CIMIP6: variants seen among roughly 807,000 people sequenced by gnomAD.
The protein encoded by CIMIP6 is ciliary microtubule inner protein 6, also known as uncharacterized protein C2orf73.
At chr2:54,360,209 G>A in the CIMIP6 span, 40 of 1,564,172 alleles carry the variant, frequency 2.6e-5, no homozygotes, top group Non-Finnish European at 3.4e-5. Flanking sequence ...CCAGAGACAC[G>A]GAGCTTTTGT....
At chr2:54,346,312 T>C in the CIMIP6 span, among the ~76,000 whole-genome samples, 1 of 152,260 alleles carries the variant, frequency 6.6e-6, no homozygotes, top group East Asian at 1.9e-4. Context: ...ATTTGCAATA[T>C]AGGTAATCAG....
the CIMIP6 span, among the ~76,000 whole-genome samples, chr2:54,368,914 T>C: frequency 6.6e-6 from 1 of 152,214 alleles, no homozygotes; most frequent in Non-Finnish European, 1.5e-5. Flanking sequence ...TATTTGCTGA[T>C]TTTTAATCTG....
chr2:54,356,143 T>TAAAAAAA, the CIMIP6 span, among the ~76,000 whole-genome samples: 1 of 136,666 alleles, frequency 7.3e-6, no homozygotes. Flanking sequence ...CTTAAACTGT[T>TAAAAAAA]AAAAAAAAAA....
the CIMIP6 span, among the ~76,000 whole-genome samples, chr2:54,382,237 T>C: frequency 6.6e-6 from 1 of 152,190 alleles, no homozygotes; most frequent in Admixed American, 6.5e-5. Flanking sequence ...ACTATATTGT[T>C]ATCAATGTCC....
chr2:54,374,936 C>T, the CIMIP6 span, among the ~76,000 whole-genome samples: 2 of 152,308 alleles, frequency 1.3e-5, no homozygotes, highest in Middle Eastern at 3.4e-3. Flanking sequence ...ATTAATCTTA[C>T]TGGAGAATTA....
At chr2:54,348,779 A>T in the CIMIP6 span, among the ~76,000 whole-genome samples, 8 of 152,200 alleles carry the variant, frequency 5.3e-5, no homozygotes, top group African/African-American at 1.4e-4. Context: ...CACTAATACC[A>T]ATTAAAAGTC....
At chr2:54,368,445 G>T in the CIMIP6 span, among the ~76,000 whole-genome samples, 1 of 152,256 alleles carries the variant, frequency 6.6e-6, no homozygotes, top group Non-Finnish European at 1.5e-5. Flanking sequence ...TTCAATATGA[G>T]ATTTCCATAA....
the CIMIP6 span, among the ~76,000 whole-genome samples, chr2:54,337,127 C>G: frequency 6.6e-6 from 1 of 152,150 alleles, no homozygotes; most frequent in Non-Finnish European, 1.5e-5. Flanking sequence ...CCAGTGTCAG[C>G]CTCCTCCTAC....
At chr2:54,376,505 A>G in the CIMIP6 span, among the ~76,000 whole-genome samples, 1 of 152,330 alleles carries the variant, frequency 6.6e-6, no homozygotes, top group Middle Eastern at 3.4e-3. Flanking sequence ...TGGAATAGAC[A>G]TGATTTTACA....
chr2:54,350,524 A>G, the CIMIP6 span, among the ~76,000 whole-genome samples: 4 of 152,306 alleles, frequency 2.6e-5, no homozygotes, highest in Middle Eastern at 3.4e-3. Context: ...TCTTACTCCC[A>G]AGAATGCAAA....
the CIMIP6 span, among the ~76,000 whole-genome samples, chr2:54,362,617 G>A: frequency 3.9e-5 from 6 of 152,092 alleles, no homozygotes; most frequent in African/African-American, 1.4e-4. Flanking sequence ...CCTTGATCTC[G>A]GCTCACTGCA....
At chr2:54,348,823 A>C in the CIMIP6 span, among the ~76,000 whole-genome samples, 3 of 152,162 alleles carry the variant, frequency 2.0e-5, no homozygotes, top group Admixed American at 2.0e-4. Context: ...CAGCCCACTT[A>C]ATTACGCCTG....
At chr2:54,340,503 C>T in the CIMIP6 span, among the ~76,000 whole-genome samples, 3 of 152,128 alleles carry the variant, frequency 2.0e-5, no homozygotes, top group Non-Finnish European at 4.4e-5. Flanking sequence ...CTTCCAGGAA[C>T]AAACCAAACT....
chr2:54,379,582 G>A, the CIMIP6 span, among the ~76,000 whole-genome samples: 1 of 151,984 alleles, frequency 6.6e-6, no homozygotes, highest in Non-Finnish European at 1.5e-5. Context: ...GCTCATGCCT[G>A]TAATCCCAGC....
the CIMIP6 span, chr2:54,331,059 G>C: frequency 2.6e-6 from 4 of 1,563,050 alleles, no homozygotes; most frequent in South Asian, 1.1e-5. Context: ...TCCTCCTTCA[G>C]GGGGAGGCCG....
chr2:54,362,229 G>A, the CIMIP6 span, among the ~76,000 whole-genome samples: 3 of 152,042 alleles, frequency 2.0e-5, no homozygotes, highest in Non-Finnish European at 4.4e-5. Flanking sequence ...GTTAAAGATA[G>A]TCACAAACAA....
the CIMIP6 span, chr2:54,331,049 T>C: frequency 1.9e-6 from 3 of 1,603,078 alleles, no homozygotes; most frequent in Non-Finnish European, 1.7e-6. Flanking sequence ...AAAACTATTT[T>C]CCTCCTTCAG....
chr2:54,363,334 G>A, the CIMIP6 span, among the ~76,000 whole-genome samples: 4 of 152,032 alleles, frequency 2.6e-5, no homozygotes, highest in Non-Finnish European at 4.4e-5. Flanking sequence ...CCTGGGGGTC[G>A]GTAGCTACTT....
chr2:54,341,147 C>G, the CIMIP6 span, among the ~76,000 whole-genome samples: 1 of 152,114 alleles, frequency 6.6e-6, no homozygotes, highest in Non-Finnish European at 1.5e-5. Context: ...AGAACTTTCT[C>G]AGAATATTTA....
Sources: gnomAD v4.1 joint callset for allele counts (sites outside exome capture counted in the v4.1 genomes callset) on GRCh38, gnomAD v4.1.1 for gene constraint, MANE v1.5 for transcripts, NCBI Gene and HGNC (gene_info 2026-07-23, HGNC 2026-07-21) for gene names.